AGBL4: variants seen among roughly 807,000 people sequenced by gnomAD.
The protein encoded by AGBL4 is AGBL carboxypeptidase 4, also known as cytosolic carboxypeptidase 6.
In AGBL4, 58 loss-of-function variants were observed where a neutral mutation model predicts 66.4. The observed-to-expected ratio is 0.87, with a 90% confidence interval of 0.71 to 1.09. The LOEUF (loss-of-function observed/expected upper bound fraction) is 1.09. AGBL4 is among the 50% of genes least tolerant of loss of function. AGBL4 has a pLI of 0.00. For synonymous variants in AGBL4, 234 were observed against 222.9 expected (o/e 1.05, Z -0.44); for missense variants, 579 against 631.0 (o/e 0.92, Z 0.88).
At chr1:49,680,898 C>CTTTT (rs561782422) in intron 3 of AGBL4, among the ~76,000 whole-genome samples, 1 of 143,474 alleles carries the variant, frequency 7.0e-6, no homozygotes, top group African/African-American at 2.5e-5. Flanking sequence ...GTTGTTTTTC[C>CTTTT]TTTTTTTTTT....
intron 12 of AGBL4, among the ~76,000 whole-genome samples, chr1:48,538,179 T>C (rs1344839828): frequency 6.6e-6 from 1 of 152,134 alleles, no homozygotes; most frequent in African/African-American, 2.4e-5. Context: ...GGCTAAGAGA[T>C]GTATGACTCA....
At chr1:49,620,306 G>T (rs142549474) in intron 3 of AGBL4, among the ~76,000 whole-genome samples, 1 of 152,158 alleles carries the variant, frequency 6.6e-6, no homozygotes, top group Non-Finnish European at 1.5e-5. Flanking sequence ...AATGGGCAAA[G>T]GATATGAACA....
chr1:49,047,894 G>A (rs1644118983), intron 4 of AGBL4, among the ~76,000 whole-genome samples: 1 of 151,996 alleles, frequency 6.6e-6, no homozygotes, highest in Non-Finnish European at 1.5e-5. Flanking sequence ...AGAGGGAGAG[G>A]GAAGGAAGCA....
At chr1:49,954,310 A>AT (rs1656410147) in intron 1 of AGBL4, among the ~76,000 whole-genome samples, 1 of 152,044 alleles carries the variant, frequency 6.6e-6, no homozygotes, top group Non-Finnish European at 1.5e-5. Context: ...AATTGCCAGT[A>AT]TTAACAGTAT....
At chr1:49,659,931 A>G (rs912228479) in intron 3 of AGBL4, among the ~76,000 whole-genome samples, 9 of 152,096 alleles carry the variant, frequency 5.9e-5, no homozygotes, top group Non-Finnish European at 1.3e-4. Context: ...CTTTACTTAC[A>G]CCTTATACAA....
At chr1:49,548,979 A>G (rs2148834611) in intron 3 of AGBL4, among the ~76,000 whole-genome samples, 1 of 151,954 alleles carries the variant, frequency 6.6e-6, no homozygotes, top group African/African-American at 2.4e-5. Flanking sequence ...ATGGTATCTC[A>G]TTCTTCCTGA....
chr1:49,074,985 T>G (rs1040507616), intron 4 of AGBL4, among the ~76,000 whole-genome samples: 1 of 152,194 alleles, frequency 6.6e-6, no homozygotes, highest in Non-Finnish European at 1.5e-5. Context: ...ACTTTTACAT[T>G]AAAATATCTA....
At chr1:49,167,127 C>T (rs1335758897) in intron 4 of AGBL4, among the ~76,000 whole-genome samples, 1 of 152,148 alleles carries the variant, frequency 6.6e-6, no homozygotes, top group East Asian at 1.9e-4. Context: ...AAAAGCCATT[C>T]AGTAATTTCA....
At chr1:49,563,930 A>G (rs1280018003) in intron 3 of AGBL4, among the ~76,000 whole-genome samples, 2 of 152,134 alleles carry the variant, frequency 1.3e-5, no homozygotes, top group Admixed American at 6.5e-5. Flanking sequence ...CTGTGAATCC[A>G]TCTGGTCCTG....
intron 1 of AGBL4, among the ~76,000 whole-genome samples, chr1:49,973,538 T>C (rs923629937): frequency 1.3e-5 from 2 of 150,216 alleles, no homozygotes; most frequent in African/African-American, 4.9e-5. Context: ...TTTAAAATAT[T>C]ATACTTGATT....
intron 5 of AGBL4, among the ~76,000 whole-genome samples, chr1:49,040,475 A>G (rs1413749444): frequency 6.6e-6 from 1 of 152,086 alleles, no homozygotes; most frequent in East Asian, 1.9e-4. Context: ...AAATGTATTC[A>G]TATGTCCACT....
intron 3 of AGBL4, among the ~76,000 whole-genome samples, chr1:49,546,721 C>G (rs1484575223): frequency 6.6e-6 from 1 of 152,066 alleles, no homozygotes; most frequent in East Asian, 1.9e-4. Context: ...AAGGTGGTAT[C>G]GCATTGTGGT....
chr1:48,772,992 T>C (rs1328577243), intron 6 of AGBL4, among the ~76,000 whole-genome samples: 2 of 152,122 alleles, frequency 1.3e-5, no homozygotes, highest in Non-Finnish European at 2.9e-5. Flanking sequence ...ACAGAAATCC[T>C]ACATAGCAGG....
intron 3 of AGBL4, among the ~76,000 whole-genome samples, chr1:49,405,028 G>C (rs1426186418): frequency 6.6e-6 from 1 of 151,972 alleles, no homozygotes; most frequent in Non-Finnish European, 1.5e-5. Context: ...GATTCCACTG[G>C]GTGCTTGGGA....
chr1:49,019,330 A>C (rs138882134), intron 5 of AGBL4, among the ~76,000 whole-genome samples: 1 of 152,232 alleles, frequency 6.6e-6, no homozygotes, highest in African/African-American at 2.4e-5. Flanking sequence ...TCCTCCCCAC[A>C]TGGACATCAG....
intron 7 of AGBL4, among the ~76,000 whole-genome samples, chr1:48,654,997 C>T (rs937662289): frequency 2.0e-5 from 3 of 152,230 alleles, no homozygotes; most frequent in Admixed American, 2.0e-4. Context: ...CGGGGCGGCC[C>T]TCCATCAAGG....
intron 6 of AGBL4, among the ~76,000 whole-genome samples, chr1:48,789,085 G>A (rs1012634144): frequency 1.3e-5 from 2 of 152,240 alleles, no homozygotes; most frequent in African/African-American, 4.8e-5. Context: ...TGTAGCAACT[G>A]AGGTTCAGAG....
chr1:48,636,636 C>T (rs1197585722), intron 8 of AGBL4, among the ~76,000 whole-genome samples: 1 of 152,154 alleles, frequency 6.6e-6, no homozygotes, highest in African/African-American at 2.4e-5. Context: ...TGACTAGTGC[C>T]TTGATCTACA....
At chr1:49,018,701 C>A (rs981613179) in intron 5 of AGBL4, among the ~76,000 whole-genome samples, 1 of 152,152 alleles carries the variant, frequency 6.6e-6, no homozygotes, top group Non-Finnish European at 1.5e-5. Context: ...AAGCCAGAAA[C>A]CTAGAAATAA....
Sources: allele counts gnomAD v4.1 joint callset (sites outside exome capture counted in the v4.1 genomes callset), GRCh38; gene constraint gnomAD v4.1.1; transcripts MANE v1.5; gene names NCBI Gene and HGNC (gene_info 2026-07-23, HGNC 2026-07-21).